The following MVB12B variants were observed in gnomAD, a reference collection of about 807,000 sequenced individuals.
MVB12B encodes ESCRT-I complex subunit MVB12B.
MVB12B carries 16 observed loss-of-function variants against 41.6 expected under a neutral mutation model. The observed-to-expected ratio is 0.38, with a 90% CI of 0.26 to 0.58. MVB12B has a LOEUF of 0.58. Ranked by LOEUF, MVB12B falls within the 20% of genes least tolerant of loss-of-function variation. MVB12B has a pLI of 0.62. For synonymous variants in MVB12B, 133 were observed against 139.7 expected (o/e 0.95, Z 0.34); for missense variants, 274 against 380.2 (o/e 0.72, Z 2.32).
At chr9:126,469,030 G>A (rs532191901) in intron 7 of MVB12B, among the ~76,000 whole-genome samples, 1 of 152,298 alleles carries the variant, frequency 6.6e-6, no homozygotes, top group East Asian at 1.9e-4. Context: ...CAAAATTCTG[G>A]CCAGCTGTAG....
rs149636288 is a variant in MVB12B, at chr9:126,489,965, G to A, written c.873+5933G>A. Among the ~76,000 whole-genome samples the A allele has an allele frequency of 4.1e-4, 63 of 152,274 alleles. No homozygotes were observed. The East Asian group carries it at 0.012, about 29-fold the overall frequency. ...AGTTTGGCTCTGCAGGAGGGCAGTG[G>A]GTGACCCGGTGGGGCTGTTGTCCCA... On this transcript the variant is annotated intron_variant, in intron 9 of 9. Coordinates refer to ENST00000361171, the MANE Select transcript of MVB12B (RefSeq NM_033446.3).
Position 126,459,242 on chromosome 9 carries a change from G to C in MVB12B, c.758-22127G>C, listed in dbSNP as rs887242880. ...ACTCAGAGTGTCACGAGCCTGGCCT[G>C]CTGAGTGGTGCCAGTGCAGGCCTCC... On this transcript the variant is annotated intron_variant, in intron 7 of 9. Coordinates refer to ENST00000361171, the MANE Select transcript of MVB12B (RefSeq NM_033446.3). The surrounding 1 kb of genome is among the most constrained non-coding windows in gnomAD (Gnocchi z 4.3). Among the ~76,000 whole-genome samples the C allele has an allele frequency of 6.6e-6, 1 of 152,226 alleles. No individual in the cohort carries two copies. Among genetic ancestry groups the C allele is most frequent in the Admixed American group, 6.5e-5 (1 of 15,288 alleles).
intron 1 of MVB12B, among the ~76,000 whole-genome samples, chr9:126,335,700 T>C (rs1468771434): frequency 6.6e-6 from 1 of 152,232 alleles, no homozygotes; most frequent in Non-Finnish European, 1.5e-5. Flanking sequence ...CTACCTGCTC[T>C]TGTGGCGTTT....
At chr9:126,443,651 C>T (rs527918245) in intron 7 of MVB12B, among the ~76,000 whole-genome samples, 36 of 152,290 alleles carry the variant, frequency 2.4e-4, no homozygotes, top group South Asian at 6.2e-4. Context: ...TTTTTCTATG[C>T]CATATGTTTA....
chr9:126,463,083 C>T (rs542626180), intron 7 of MVB12B, among the ~76,000 whole-genome samples: 2 of 152,202 alleles, frequency 1.3e-5, no homozygotes, highest in African/African-American at 4.8e-5. Context: ...CACTGTCCTG[C>T]GGGCTGGTCC....
chr9:126,432,972 C>G (rs1389853728), intron 7 of MVB12B, among the ~76,000 whole-genome samples: 1 of 152,050 alleles, frequency 6.6e-6, no homozygotes, highest in Admixed American at 6.6e-5. Context: ...CAGAGTGAGG[C>G]CTTTGACACT....
At chr9:126,339,562 A>G (rs1042447397) in intron 1 of MVB12B, among the ~76,000 whole-genome samples, 1 of 152,228 alleles carries the variant, frequency 6.6e-6, no homozygotes. Context: ...AGAGGCAGTC[A>G]GCAGCAGAAT....
intron 9 of MVB12B, 25 bp downstream of exon 9, chr9:126,484,057 A>G (rs1247627066): frequency 6.2e-7 from 1 of 1,611,916 alleles, no homozygotes; most frequent in Admixed American, 1.7e-5. Flanking sequence ...AGGGGAGGGG[A>G]GGGCAGGCCT....
At chr9:126,403,197 A>G (rs1023315943) in intron 6 of MVB12B, among the ~76,000 whole-genome samples, 1 of 152,304 alleles carries the variant, frequency 6.6e-6, no homozygotes, top group South Asian at 2.1e-4. Flanking sequence ...GCTTCCTGTT[A>G]TCCGACCGCC....
In MVB12B at chr9:126,436,363, G is replaced by A. The variant is rs1423813233; in HGVS notation, c.757+14415G>A. On this transcript the variant is annotated intron_variant, in intron 7 of 9. Coordinates refer to ENST00000361171, the MANE Select transcript of MVB12B (RefSeq NM_033446.3). This position sits in a 1 kb window ranked among gnomAD's most constrained non-coding sequence, Gnocchi z 4.1. ...TTGGATTGGGAAAAAGAACCTACAA[G>A]TTATGAACTTTGCAGAGCAGCAGTT... Among the ~76,000 whole-genome samples the A allele has an allele frequency of 1.3e-5, 2 of 152,300 alleles. No homozygotes were observed. The highest frequency in any genetic ancestry group is 3.4e-3 in the Middle Eastern group (1 of 294).
At chr9:126,503,037 C>T (rs1263816440) in intron 9 of MVB12B, 140 bp from the exon 10 acceptor site, 10 of 763,318 alleles carry the variant, frequency 1.3e-5, no homozygotes, top group East Asian at 2.7e-5. Context: ...TGGCTGGCAC[C>T]GGCCTGGCCA....
At chr9:126,502,270 G>C (rs1237901086) in intron 9 of MVB12B, among the ~76,000 whole-genome samples, 1 of 151,964 alleles carries the variant, frequency 6.6e-6, no homozygotes, top group Non-Finnish European at 1.5e-5. Flanking sequence ...GCAGCTGCCA[G>C]CCCATTTCTG....
intron 6 of MVB12B, among the ~76,000 whole-genome samples, chr9:126,400,847 G>A (rs377126293): frequency 2.6e-5 from 4 of 152,220 alleles, no homozygotes; most frequent in Non-Finnish European, 4.4e-5. Context: ...CCGTGTCTCC[G>A]TCCAGGGTAG....
rs1268985560 is a variant in MVB12B at position 126,505,658 on chromosome 9, GTGTGTGTGTGTGTGTGTGTGTATA to G, written c.*2408_*2431del. 6 of 131,820 alleles carry G rather than the reference GTGTGTGTGTGTGTGTGTGTGTATA, an allele frequency of 4.6e-5. No individual in the cohort carries two copies. Among genetic ancestry groups the G allele is most frequent in the South Asian group, 2.3e-4 (1 of 4,412 alleles). The allele number at this position is 131,820 out of a possible 1,614,324, so 8.2% of individuals were successfully genotyped here. A position where few individuals can be genotyped will look rare whatever the true frequency, so the allele number is the denominator to read the frequency against. On this transcript the variant is annotated 3_prime_UTR_variant, in exon 10 of 10. Coordinates refer to ENST00000361171, the MANE Select transcript of MVB12B (RefSeq NM_033446.3). ...TGGGTGAGGACAAGCATGTGCCTGT[GTGTGTGTGTGTGTGTGTGTGTATA>G]TGTGTGTGTGTGCACGCACATGCGT...
intron 7 of MVB12B, among the ~76,000 whole-genome samples, chr9:126,457,129 G>T: frequency 6.6e-6 from 1 of 152,058 alleles, no homozygotes; most frequent in East Asian, 1.9e-4. Flanking sequence ...GCTGAGCTGC[G>T]CCCTCAGCCC....
chr9:126,335,148 A>C (rs914913787), intron 1 of MVB12B: 1 of 997,632 alleles, frequency 1.0e-6, no homozygotes, highest in Non-Finnish European at 1.3e-6. Context: ...TTAGTTGCCC[A>C]ACAACTTAGC....
chr9:126,479,620 C>G (rs1335934801), intron 7 of MVB12B, among the ~76,000 whole-genome samples: 3 of 152,190 alleles, frequency 2.0e-5, no homozygotes, highest in Non-Finnish European at 4.4e-5. Context: ...TGTCCCATCT[C>G]TTCCGTCAGC....
chr9:126,408,746 G>A (rs1347012292), intron 6 of MVB12B, among the ~76,000 whole-genome samples: 3 of 152,054 alleles, frequency 2.0e-5, no homozygotes, highest in Non-Finnish European at 4.4e-5. Flanking sequence ...GGCAAAATGT[G>A]TTGTTTTTGG....
intron 9 of MVB12B, among the ~76,000 whole-genome samples, chr9:126,499,122 C>T (rs1457034934): frequency 6.6e-6 from 1 of 152,306 alleles, no homozygotes; most frequent in African/African-American, 2.4e-5. Context: ...CCAGGTGCTG[C>T]TGGAAGCTGC....
Sources: gnomAD v4.1 joint callset for allele counts (sites outside exome capture counted in the v4.1 genomes callset) on GRCh38, gnomAD v4.1.1 for gene constraint, Gnocchi (gnomAD v3.1) non-coding constraint, MANE v1.5 for transcripts, NCBI Gene and HGNC (gene_info 2026-07-23, HGNC 2026-07-21) for gene names.